The following ADK variants were observed in gnomAD, a reference collection of about 807,000 sequenced individuals.
ADK encodes adenosine kinase.
Under a neutral mutation model 44.7 loss-of-function variants are expected in ADK, and 24 were observed. That is an observed-to-expected ratio of 0.54 (90% CI 0.39 to 0.76). The LOEUF is 0.76. Ranked by LOEUF, ADK falls within the 30% of genes least tolerant of loss-of-function variation. The pLI is 0.00. For synonymous variants in ADK, 128 were observed against 142.6 expected, an observed-to-expected ratio of 0.90 and a Z score of 0.73; for missense variants, 321 against 425.1, an observed-to-expected ratio of 0.76 and a Z score of 2.15.
At chr10:74,370,867 C>T (rs888081800) in intron 4 of ADK, among the ~76,000 whole-genome samples, 2 of 152,046 alleles carry the variant, frequency 1.3e-5, no homozygotes, top group Non-Finnish European at 2.9e-5. Context: ...AGCCACTGCA[C>T]CCAGGCTAGG....
intron 9 of ADK, among the ~76,000 whole-genome samples, chr10:74,607,030 T>G (rs974167162): frequency 1.3e-5 from 2 of 152,212 alleles, no homozygotes; most frequent in African/African-American, 4.8e-5. Flanking sequence ...AAAGTCTGTT[T>G]TATCGGAGAC....
intron 3 of ADK, among the ~76,000 whole-genome samples, chr10:74,242,179 T>C (rs569493476): frequency 6.6e-6 from 1 of 152,388 alleles, no homozygotes; most frequent in South Asian, 2.1e-4. Context: ...AGTATGCTAA[T>C]GGCAAGCATG....
At chr10:74,571,671 C>T (rs1362871605) in intron 7 of ADK, among the ~76,000 whole-genome samples, 1 of 152,134 alleles carries the variant, frequency 6.6e-6, no homozygotes, top group Non-Finnish European at 1.5e-5. Context: ...TGATTCTTCT[C>T]TCTTTTTTTC....
intron 2 of ADK, among the ~76,000 whole-genome samples, chr10:74,217,740 C>T (rs1233544844): frequency 6.6e-6 from 1 of 152,196 alleles, no homozygotes; most frequent in African/African-American, 2.4e-5. Flanking sequence ...GCAGCCACCG[C>T]TGCTGATACC....
chr10:74,673,177 A>G (rs1855247120), intron 10 of ADK, among the ~76,000 whole-genome samples: 1 of 152,216 alleles, frequency 6.6e-6, no homozygotes, highest in Non-Finnish European at 1.5e-5. Context: ...GAAAAACTGA[A>G]AGGGAAGAGA....
chr10:74,202,373 CTT>C (rs1386645210), intron 2 of ADK, among the ~76,000 whole-genome samples: 1 of 152,042 alleles, frequency 6.6e-6, no homozygotes, highest in African/African-American at 2.4e-5. Context: ...TTGATGGACA[CTT>C]ATGTTGTTTT....
At chr10:74,266,597 A>G (rs1007683521) in intron 3 of ADK, among the ~76,000 whole-genome samples, 5 of 152,058 alleles carry the variant, frequency 3.3e-5, no homozygotes, top group Admixed American at 3.3e-4. Flanking sequence ...CACTGCTTGT[A>G]TAGTAAATGA....
At chr10:74,250,579 ATACT>A (rs1845614534) in intron 3 of ADK, among the ~76,000 whole-genome samples, 1 of 152,224 alleles carries the variant, frequency 6.6e-6, no homozygotes, top group Non-Finnish European at 1.5e-5. Context: ...GCAGGCAAAC[ATACT>A]TAGTCTGCAG....
At chr10:74,410,806 G>C (rs1359133922) in intron 6 of ADK, among the ~76,000 whole-genome samples, 1 of 152,142 alleles carries the variant, frequency 6.6e-6, no homozygotes, top group Admixed American at 6.5e-5. Flanking sequence ...CAGAGTAAGT[G>C]AACTAATGAT....
intron 6 of ADK, among the ~76,000 whole-genome samples, chr10:74,427,287 C>T: frequency 6.6e-6 from 1 of 152,124 alleles, no homozygotes; most frequent in Non-Finnish European, 1.5e-5. Context: ...CAAGCTCGAC[C>T]TCCTGGGTTC....
rs149158708 is a variant in ADK, at chr10:74,183,238, C to T, written c.66-17526C>T. ...AAATGCTGGGATTACAGGCATGAGC[C>T]GCTGTGCCCAGCCACATCCTTGGTT... On this transcript the variant is annotated intron_variant, in intron 1 of 10. Transcript: ENST00000539909. Among the ~76,000 whole-genome samples the T allele has an allele frequency of 2.0e-3, 305 of 152,286 alleles. 3 individuals carry two copies. The highest frequency in any genetic ancestry group is 0.01 in the Admixed American group (159 of 15,308).
chr10:74,504,009 C>T (rs1285393251), intron 6 of ADK, among the ~76,000 whole-genome samples: 1 of 152,162 alleles, frequency 6.6e-6, no homozygotes, highest in Non-Finnish European at 1.5e-5. Flanking sequence ...TCCAAGTACT[C>T]TGAACCATGC....
At chr10:74,462,032 C>T (rs1396084451) in intron 6 of ADK, among the ~76,000 whole-genome samples, 1 of 152,046 alleles carries the variant, frequency 6.6e-6, no homozygotes, top group Non-Finnish European at 1.5e-5. Context: ...TTAACTATTG[C>T]ATTCAAAAGT....
At chr10:74,346,521 C>T (rs1841770525) in intron 4 of ADK, among the ~76,000 whole-genome samples, 1 of 151,956 alleles carries the variant, frequency 6.6e-6, no homozygotes, top group African/African-American at 2.4e-5. Flanking sequence ...ACCAGAAAGA[C>T]AACACTAGAA....
chr10:74,158,735 G>A (rs1405088735), intron 1 of ADK, among the ~76,000 whole-genome samples: 1 of 152,188 alleles, frequency 6.6e-6, no homozygotes, highest in Non-Finnish European at 1.5e-5. Context: ...TGGCTACTGT[G>A]CAGGAACAAT....
At chr10:74,181,317 C>T (rs1468038003) in intron 1 of ADK, among the ~76,000 whole-genome samples, 1 of 151,476 alleles carries the variant, frequency 6.6e-6, no homozygotes, top group African/African-American at 2.4e-5. Context: ...AACTTAAGAT[C>T]TTTGAATTTG....
intron 6 of ADK, among the ~76,000 whole-genome samples, chr10:74,492,098 C>A (rs1341138179): frequency 1.3e-5 from 2 of 151,928 alleles, no homozygotes; most frequent in Non-Finnish European, 2.9e-5. Context: ...AAAAATAATG[C>A]CTCTTTAACC....
chr10:74,496,748 C>T (rs998099374), intron 6 of ADK, among the ~76,000 whole-genome samples: 6 of 152,040 alleles, frequency 3.9e-5, no homozygotes, highest in African/African-American at 9.7e-5. Flanking sequence ...GGATTATAGG[C>T]GTGAACCACC....
At chr10:74,176,774 G>A in intron 1 of ADK, 1 of 1,578,560 alleles carries the variant, frequency 6.3e-7, no homozygotes, top group East Asian at 2.3e-5. Context: ...GTCGCTGAGT[G>A]CCTGAGCCGG....
Sources: gnomAD v4.1 joint callset for allele counts (sites outside exome capture counted in the v4.1 genomes callset) on GRCh38, gnomAD v4.1.1 for gene constraint, MANE v1.5 for transcripts, NCBI Gene and HGNC (gene_info 2026-07-23, HGNC 2026-07-21) for gene names.